The following DENND4A variants were observed in gnomAD, a reference collection of about 807,000 sequenced individuals.
DENND4A encodes DENN domain containing 4A.
A neutral mutation model predicts 199.3 loss-of-function variants in DENND4A; 70 were observed. The ratio of observed to expected loss-of-function variants is 0.35; its 90% CI spans 0.29 to 0.43. The LOEUF is 0.43. Ranked by LOEUF, DENND4A falls within the 20% of genes least tolerant of loss-of-function variation. DENND4A has a pLI of 1.00. For missense variants in DENND4A, 1,723 were observed against 2,255.8 expected, an observed-to-expected ratio of 0.76 and a Z score of 4.78; for synonymous variants, 686 against 766.9, an observed-to-expected ratio of 0.89 and a Z score of 1.74.
At chr15:65,731,006 G>A (rs79387696) in intron 9 of DENND4A, among the ~76,000 whole-genome samples, 6,559 of 152,008 alleles carry the variant, frequency 0.043, 410 homozygotes, top group African/African-American at 0.14. Context: ...GAAAACATTT[G>A]TCACTCTGGG....
At chr15:65,663,232 G>T (rs536810082) in intron 32 of DENND4A, among the ~76,000 whole-genome samples, 104 of 136,512 alleles carry the variant, frequency 7.6e-4, no homozygotes, top group Non-Finnish European at 1.4e-3. Context: ...TTGGTTAGAC[G>T]GAGTTTCACT....
intron 14 of DENND4A, among the ~76,000 whole-genome samples, chr15:65,710,832 C>T (rs185375904): frequency 1.4e-4 from 22 of 152,258 alleles, no homozygotes; most frequent in African/African-American, 5.1e-4. Flanking sequence ...TGAGTTCTCT[C>T]GAGATCTGTT....
intron 4 of DENND4A, among the ~76,000 whole-genome samples, chr15:65,750,829 A>C (rs952121353): frequency 2.0e-5 from 3 of 152,124 alleles, no homozygotes; most frequent in Admixed American, 6.6e-5. Flanking sequence ...TGAGATGAGA[A>C]GCCATTAAGG....
At chr15:65,666,886 A>G (rs1417808249) in intron 29 of DENND4A, among the ~76,000 whole-genome samples, 1 of 152,152 alleles carries the variant, frequency 6.6e-6, no homozygotes, top group African/African-American at 2.4e-5. Flanking sequence ...TTTATTCTTG[A>G]AGCAATAGCA....
intron 3 of DENND4A, 115 bp downstream of exon 3, chr15:65,756,025 T>A (rs2076691778): frequency 1.1e-6 from 1 of 922,232 alleles, no homozygotes; most frequent in African/African-American, 1.7e-5. Flanking sequence ...CAAACTTGTG[T>A]ATTTTTCTAA....
At chr15:65,766,611 G>C (rs1297430714) in intron 1 of DENND4A, 1 of 152,326 alleles carries the variant, frequency 6.6e-6, no homozygotes, top group East Asian at 1.9e-4. Flanking sequence ...GGCTTGAGTG[G>C]ATTTTGGAAT....
Position 65,691,045 on chromosome 15 carries a change from A to T in DENND4A, c.3549T>A (p.Ala1183=). 6.2e-7 allele frequency: 1 copy of T among 1,612,752 alleles called. No homozygotes were observed. Among genetic ancestry groups the T allele is most frequent in the South Asian group, 1.1e-5 (1 of 90,940 alleles). Residue 1183 remains alanine (A), a synonymous_variant, in exon 23 of 33, where the codon GCT becomes GCA. Transcript: ENST00000443035. ...ETDVSKAGCV[A]TQNPKRIQRM... ...GTTGAATCCTCTTGGGATTTTGTGT[A>T]GCAACACATCCTGCTTTTGATACAT...
At chr15:65,673,073 G>A (rs935547319) in intron 24 of DENND4A, among the ~76,000 whole-genome samples, 9 of 151,934 alleles carry the variant, frequency 5.9e-5, no homozygotes, top group Non-Finnish European at 2.9e-5. Flanking sequence ...TGTTGGCCAG[G>A]ATGGTCTCGA....
intron 1 of DENND4A, among the ~76,000 whole-genome samples, chr15:65,782,361 T>C (rs749002302): frequency 2.0e-5 from 3 of 152,222 alleles, no homozygotes; most frequent in Admixed American, 1.3e-4. Flanking sequence ...AAGAGACGGC[T>C]TCCCCAAGAA....
chr15:65,757,580 C>T (rs1260271220), intron 2 of DENND4A, among the ~76,000 whole-genome samples: 1 of 152,080 alleles, frequency 6.6e-6, no homozygotes, highest in African/African-American at 2.4e-5. Flanking sequence ...GGGGGAGTCT[C>T]CTCTGAGAAT....
intron 23 of DENND4A, 79 bp from the exon 24 acceptor site, chr15:65,676,713 A>G: frequency 1.0e-5 from 11 of 1,100,036 alleles, no homozygotes; most frequent in Non-Finnish European, 1.4e-5. Context: ...GGCAGAAAAA[A>G]CACTTATCAC....
chr15:65,719,271 G>T (rs2075525689), intron 12 of DENND4A: 1 of 150,890 alleles, frequency 6.6e-6, no homozygotes, highest in Non-Finnish European at 1.5e-5. Flanking sequence ...AAGAACTATT[G>T]CATTTACCCT....
chr15:65,767,931 T>C (rs540616870), intron 1 of DENND4A, among the ~76,000 whole-genome samples: 4 of 152,152 alleles, frequency 2.6e-5, no homozygotes, highest in Non-Finnish European at 5.9e-5. Context: ...TTCATACAAG[T>C]TAGTCACAAA....
At chr15:65,779,273 T>C (rs1004124403) in intron 1 of DENND4A, among the ~76,000 whole-genome samples, 13 of 151,744 alleles carry the variant, frequency 8.6e-5, no homozygotes, top group African/African-American at 2.9e-4. Context: ...TTGGCCAACA[T>C]GGTGAAACCC....
chr15:65,709,719 A>AAAAAAAAAATATAT (rs1218030026), intron 14 of DENND4A, among the ~76,000 whole-genome samples: 5 of 51,458 alleles, frequency 9.7e-5, no homozygotes, highest in East Asian at 2.0e-3. Flanking sequence ...AAAAAAAAAA[A>AAAAAAAAAATATAT]ATATATATAT....
At chr15:65,700,512 T>A in intron 20 of DENND4A, 32 bp downstream of exon 20, 1 of 1,284,352 alleles carries the variant, frequency 7.8e-7, no homozygotes, top group Non-Finnish European at 1.0e-6. Context: ...AAAAATGTAC[T>A]ATAATAAATG....
Position 65,717,883 on chromosome 15 carries a change from A to C in DENND4A, c.1702T>G (p.Phe568Val), listed in dbSNP as rs2075458243. ...CCTTTTAAAATAGAGGCCATGAAAA[A>C]CAAAAATGCCTCTTGGATTTCCAAA... ...IDLEIQEAFLFFMASILKGYR... is the reference protein window; with the variant it reads ...IDLEIQEAFLVFMASILKGYR... The change falls in exon 13 of 33, where the codon TTT becomes GTT. Residue 568 changes from phenylalanine to valine, a missense_variant. Physicochemically the swap from Phe to Val is conservative, Grantham distance 50 (BLOSUM62 -1). This residue lies in a region of DENND4A where 725 missense variants were observed against 952.9 expected (regional missense o/e 0.76). Transcript: ENST00000443035. 6.2e-7 allele frequency: 1 copy of C among 1,606,400 alleles called. No homozygotes were observed. The highest frequency in any genetic ancestry group is 8.5e-7 in the Non-Finnish European group (1 of 1,175,908).
rs369865278 is a variant in DENND4A at position 65,706,238 on chromosome 15, A to G, written c.1954-14T>C. ...GTCCATATCCACCTAAAGGAGTTTT[A>G]AAAACATATATTAAAAAAGCCACAT... is the stretch of plus-strand genomic sequence containing the variant. On this transcript the variant is annotated splice_polypyrimidine_tract_variant and intron_variant, in intron 14 of 32. Coordinates refer to ENST00000443035, the MANE Select transcript of DENND4A (RefSeq NM_001320835.1). 1 of 1,484,856 alleles carries G rather than the reference A, an allele frequency of 6.7e-7. No homozygotes were observed. The highest frequency in any genetic ancestry group is 8.9e-7 in the Non-Finnish European group (1 of 1,117,592). The allele number at this position is 1,484,856 out of a possible 1,614,324, so 92.0% of individuals were successfully genotyped here.
At chr15:65,717,422 G>A (rs1356428006) in intron 13 of DENND4A, among the ~76,000 whole-genome samples, 5 of 152,038 alleles carry the variant, frequency 3.3e-5, no homozygotes, top group Non-Finnish European at 7.4e-5. Flanking sequence ...AACAAATGAG[G>A]TTATTCAAGC....
Sources: allele counts gnomAD v4.1 joint callset (sites outside exome capture counted in the v4.1 genomes callset), GRCh38; gene constraint gnomAD v4.1.1; regional missense constraint gnomAD v4.1.1; transcripts MANE v1.5; gene names NCBI Gene and HGNC (gene_info 2026-07-23, HGNC 2026-07-21).